The following GRID1 variants were observed in gnomAD, a reference collection of about 807,000 sequenced individuals.
GRID1 encodes the protein glutamate ionotropic receptor delta type subunit 1.
In GRID1, 28 loss-of-function variants were observed where a neutral mutation model predicts 98.0. The observed-to-expected ratio is 0.29, with a 90% CI of 0.21 to 0.39. The LOEUF is 0.39. Among genes scored for constraint, GRID1 ranks in the 10% least tolerant of loss-of-function variants. The probability of loss-of-function intolerance (pLI) is 1.00; values close to 1 mark genes in which losing one functional copy is unlikely to be tolerated. For synonymous variants in GRID1, 553 were observed against 538.5 expected, an observed-to-expected ratio of 1.03 and a Z score of -0.37; for missense variants, 1,111 against 1,340.5, an observed-to-expected ratio of 0.83 and a Z score of 2.67.
At chr10:85,789,471 T>C (rs746320305) in intron 8 of GRID1, among the ~76,000 whole-genome samples, 1 of 152,080 alleles carries the variant, frequency 6.6e-6, no homozygotes, top group Non-Finnish European at 1.5e-5. Context: ...TTATAGAACA[T>C]GGCAGCTTGG....
chr10:86,341,978 G>C (rs987581569), intron 2 of GRID1, among the ~76,000 whole-genome samples: 2 of 152,184 alleles, frequency 1.3e-5, no homozygotes, highest in African/African-American at 4.8e-5. Context: ...AAGTTCTATC[G>C]TGAGATGGGG....
chr10:86,173,585 T>TTTACTA (rs1554858370), intron 3 of GRID1, among the ~76,000 whole-genome samples: 2 of 150,306 alleles, frequency 1.3e-5, no homozygotes, highest in East Asian at 1.9e-4. Flanking sequence ...TTTATTTTAT[T>TTTACTA]TTATTATACT....
At chr10:85,863,753 C>T (rs1843188623) in intron 6 of GRID1, among the ~76,000 whole-genome samples, 1 of 152,184 alleles carries the variant, frequency 6.6e-6, no homozygotes, top group Non-Finnish European at 1.5e-5. Flanking sequence ...TGCCGGGTGG[C>T]CAGGCTATCT....
At chr10:86,148,677 A>G (rs1481711208) in intron 3 of GRID1, among the ~76,000 whole-genome samples, 2 of 152,224 alleles carry the variant, frequency 1.3e-5, no homozygotes, top group Non-Finnish European at 1.5e-5. Context: ...TGAGTTAGCC[A>G]TTCCACAATG....
chr10:86,256,147 A>G (rs939884423), intron 2 of GRID1, among the ~76,000 whole-genome samples: 1 of 151,788 alleles, frequency 6.6e-6, no homozygotes, highest in Non-Finnish European at 1.5e-5. Flanking sequence ...CAGAAGGGTG[A>G]CTCCATGGGC....
chr10:86,240,560 T>C (rs1846611928), intron 2 of GRID1, among the ~76,000 whole-genome samples: 1 of 130,834 alleles, frequency 7.6e-6, no homozygotes, highest in African/African-American at 2.9e-5. Context: ...GCAAGATATG[T>C]CCAGGGGCCC....
At chr10:86,216,552 C>A (rs1846179790) in intron 2 of GRID1, among the ~76,000 whole-genome samples, 1 of 152,166 alleles carries the variant, frequency 6.6e-6, no homozygotes, top group Non-Finnish European at 1.5e-5. Context: ...CCAGTCCCTG[C>A]ATGAATGAGT....
intron 4 of GRID1, among the ~76,000 whole-genome samples, chr10:86,015,565 G>T (rs7912069): frequency 0.066 from 10,012 of 152,288 alleles, 410 homozygotes; most frequent in East Asian, 0.19. Flanking sequence ...ATGTCCAGCT[G>T]TGGAGGAAGT....
At chr10:86,113,821 G>A (rs1372103904) in intron 4 of GRID1, among the ~76,000 whole-genome samples, 1 of 152,210 alleles carries the variant, frequency 6.6e-6, no homozygotes, top group East Asian at 1.9e-4. Flanking sequence ...GGAAAAGAAA[G>A]TAAAATTGCC....
chr10:86,032,703 C>T (rs961744262), intron 4 of GRID1, among the ~76,000 whole-genome samples: 5 of 151,980 alleles, frequency 3.3e-5, no homozygotes, highest in Non-Finnish European at 7.4e-5. Flanking sequence ...GCCGCAGGGT[C>T]CTCTGCCTAG....
chr10:85,956,091 C>G (rs1384090075), intron 4 of GRID1, among the ~76,000 whole-genome samples: 1 of 152,234 alleles, frequency 6.6e-6, no homozygotes, highest in Non-Finnish European at 1.5e-5. Flanking sequence ...GTCCAAGCCC[C>G]TGGGCAGCCT....
chr10:86,188,537 G>A (rs6586000), intron 3 of GRID1, among the ~76,000 whole-genome samples: 9,944 of 152,256 alleles, frequency 0.065, 683 homozygotes, highest in African/African-American at 0.17. Flanking sequence ...CTGAGGAATA[G>A]AGAAGCCTCT....
At chr10:86,043,445 C>T (rs1843375722) in intron 4 of GRID1, among the ~76,000 whole-genome samples, 1 of 152,228 alleles carries the variant, frequency 6.6e-6, no homozygotes, top group African/African-American at 2.4e-5. Flanking sequence ...CAGTCCTCCC[C>T]TGGGAGTGCA....
At chr10:85,759,668 C>T (rs11812444) in intron 8 of GRID1, among the ~76,000 whole-genome samples, 18,272 of 152,118 alleles carry the variant, frequency 0.12, 1,271 homozygotes, top group Middle Eastern at 0.22. Context: ...TAAGTGAAGG[C>T]GAAATCATGT....
chr10:86,241,038 T>C (rs1001008408), intron 2 of GRID1, among the ~76,000 whole-genome samples: 13 of 152,242 alleles, frequency 8.5e-5, no homozygotes, highest in Non-Finnish European at 1.8e-4. Context: ...CACAGCCTGA[T>C]GCTAAAGTCT....
intron 6 of GRID1, among the ~76,000 whole-genome samples, chr10:85,857,952 G>C (rs528958736): frequency 3.9e-5 from 6 of 152,162 alleles, no homozygotes; most frequent in Admixed American, 3.9e-4. Flanking sequence ...GTTAGGTGGC[G>C]CGAACTCTCC....
chr10:85,862,476 G>C (rs1288765727), intron 6 of GRID1, among the ~76,000 whole-genome samples: 2 of 152,164 alleles, frequency 1.3e-5, no homozygotes, highest in Admixed American at 6.5e-5. Context: ...CAGAATCCCA[G>C]GCTATGCATT....
intron 12 of GRID1, among the ~76,000 whole-genome samples, chr10:85,708,281 G>C (rs1841545522): frequency 6.6e-6 from 1 of 152,018 alleles, no homozygotes; most frequent in Admixed American, 6.6e-5. Flanking sequence ...GTGGGCGCCT[G>C]TAGTCCTAGC....
chr10:86,158,658 T>C (rs955089343), intron 3 of GRID1, among the ~76,000 whole-genome samples: 1 of 152,170 alleles, frequency 6.6e-6, no homozygotes, highest in African/African-American at 2.4e-5. Context: ...CACTGAAACA[T>C]GGCTGAGAGG....
Sources: gnomAD v4.1 joint callset for allele counts (sites outside exome capture counted in the v4.1 genomes callset) on GRCh38, gnomAD v4.1.1 for gene constraint, MANE v1.5 for transcripts, NCBI Gene and HGNC (gene_info 2026-07-23, HGNC 2026-07-21) for gene names.